Variants in RNF111 observed in about 807,000 individuals in gnomAD.
RNF111 encodes the protein E3 ubiquitin-protein ligase Arkadia.
Under a neutral mutation model 95.1 loss-of-function variants are expected in RNF111, and 17 were observed. The ratio of observed to expected loss-of-function variants is 0.18; its 90% CI spans 0.12 to 0.27. RNF111 has a LOEUF of 0.27. RNF111 is among the 10% of genes least tolerant of loss of function. The pLI, the probability that RNF111 is intolerant of heterozygous loss-of-function variation, is 1.00. For missense variants in RNF111, 1,189 were observed against 1,210.4 expected, an observed-to-expected ratio of 0.98 and a Z score of 0.26; for synonymous variants, 440 against 414.8, an observed-to-expected ratio of 1.06 and a Z score of -0.74.
intron 6 of RNF111, among the ~76,000 whole-genome samples, chr15:59,072,476 G>C (rs1483524185): frequency 1.1e-5 from 1 of 92,896 alleles, no homozygotes; most frequent in African/African-American, 5.0e-5. Context: ...TTTTTTTTGA[G>C]ACAGCCTCGC....
intron 5 of RNF111, among the ~76,000 whole-genome samples, chr15:59,059,900 CT>C (rs2042361965): frequency 6.6e-6 from 1 of 152,144 alleles, no homozygotes; most frequent in African/African-American, 2.4e-5. Context: ...TTTTCTATCC[CT>C]TTTTGCTTTT....
intron 5 of RNF111, among the ~76,000 whole-genome samples, chr15:59,063,081 T>C (rs2042509867): frequency 6.6e-6 from 1 of 152,192 alleles, no homozygotes; most frequent in African/African-American, 2.4e-5. Flanking sequence ...GTCTCCATGC[T>C]TGATGATGAG....
At chr15:59,092,113 T>C (rs1427033646) in intron 12 of RNF111, among the ~76,000 whole-genome samples, 1 of 152,208 alleles carries the variant, frequency 6.6e-6, no homozygotes, top group African/African-American at 2.4e-5. Context: ...AGTATTGAGG[T>C]ATTACCAGTA....
At chr15:59,025,441 CAA>C (rs1378205985) in intron 1 of RNF111, among the ~76,000 whole-genome samples, 1 of 152,026 alleles carries the variant, frequency 6.6e-6, no homozygotes, top group Non-Finnish European at 1.5e-5. Context: ...GAATATGTAA[CAA>C]AGCATATTGT....
chr15:59,029,934 G>T (rs1396294229), intron 1 of RNF111, among the ~76,000 whole-genome samples: 1 of 152,044 alleles, frequency 6.6e-6, no homozygotes, highest in Non-Finnish European at 1.5e-5. Context: ...CACTAGTAAA[G>T]CTCTTCATTT....
chr15:59,047,604 C>G (rs2041774111), intron 2 of RNF111, among the ~76,000 whole-genome samples: 1 of 152,070 alleles, frequency 6.6e-6, no homozygotes, highest in African/African-American at 2.4e-5. Context: ...GAGACAAGGT[C>G]TGGCTCTGTT....
intron 6 of RNF111, among the ~76,000 whole-genome samples, chr15:59,073,349 C>T (rs187121542): frequency 1.1e-4 from 17 of 152,094 alleles, no homozygotes; most frequent in Middle Eastern, 3.4e-3. Flanking sequence ...TGCGTGGTGG[C>T]ATGCACCTGT....
chr15:59,063,477 C>T (rs765307963), intron 5 of RNF111, among the ~76,000 whole-genome samples: 13 of 152,122 alleles, frequency 8.5e-5, no homozygotes, highest in Non-Finnish European at 1.5e-4. Context: ...GAGTTAATTT[C>T]CCTAATGCAG....
intron 4 of RNF111, among the ~76,000 whole-genome samples, chr15:59,058,017 G>A (rs1046655224): frequency 3.3e-5 from 5 of 152,180 alleles, no homozygotes; most frequent in Non-Finnish European, 5.9e-5. Context: ...CCATGTGTAC[G>A]TGCATAGTAA....
rs201040277 is a variant in RNF111, at chr15:59,060,804, A to AT, written c.1366+2256dup. 3.2e-4 allele frequency among the ~76,000 whole-genome samples: 47 copies of AT among 147,240 alleles called. 1 individual carries two copies. The South Asian group carries it at 8.2e-3, about 26-fold the overall frequency. ...ATGTAGCATTATTATTATTATTATT[A>AT]TTATTTTTTTTTTTGTGAGACAGGT... On this transcript the variant is annotated intron_variant, in intron 5 of 13. Transcript: ENST00000348370.
intron 12 of RNF111, among the ~76,000 whole-genome samples, chr15:59,092,053 C>G (rs968672196): frequency 6.6e-6 from 1 of 152,184 alleles, no homozygotes; most frequent in African/African-American, 2.4e-5. Flanking sequence ...AAAGAATAAT[C>G]ATAAAGTGTG....
chr15:59,089,619 C>T, intron 10 of RNF111, 48 bp from the exon 11 acceptor site: 1 of 1,364,606 alleles, frequency 7.3e-7, no homozygotes, highest in Non-Finnish European at 1.0e-6. Flanking sequence ...CAGTAAATCA[C>T]AAGTCTATTC....
intron 6 of RNF111, 116 bp from the exon 7 acceptor site, chr15:59,075,838 T>G: frequency 8.7e-7 from 1 of 1,146,628 alleles, no homozygotes; most frequent in Non-Finnish European, 1.2e-6. Context: ...ATCTTCCTGG[T>G]TTCAAACTAA....
Position 59,030,999 on chromosome 15 carries a change from A to G in RNF111, c.177A>G (p.Lys59=). The part of the protein sequence containing the change: ...FPAGVEMINS[K]VGNEFSHLCD... Reference sequence around the variant, plus strand: ...CAGGAGTTGAGATGATTAATAGTAAAGTGGGGAATGAATTCTCTCACCTGT... The same window carrying G: ...CAGGAGTTGAGATGATTAATAGTAAGGTGGGGAATGAATTCTCTCACCTGT... The change falls in exon 2 of 14, where the codon AAA becomes AAG. Residue 59 remains lysine, a synonymous_variant. Transcript: ENST00000348370. The G allele has an allele frequency of 1.2e-6, 2 of 1,614,246 alleles. No homozygotes were observed. The highest frequency in any genetic ancestry group is 1.7e-6 in the Non-Finnish European group (2 of 1,180,038).
intron 1 of RNF111, among the ~76,000 whole-genome samples, chr15:59,015,234 G>A (rs1007549801): frequency 5.9e-5 from 9 of 152,130 alleles, no homozygotes; most frequent in Non-Finnish European, 1.3e-4. Flanking sequence ...TAAGATAGAA[G>A]TCACTTATGT....
chr15:59,076,098 C>A lies in RNF111; in HGVS notation c.1831C>A (p.Pro611Thr). 2 of 1,614,218 alleles carry A rather than the reference C, an allele frequency of 1.2e-6. No homozygotes were observed. The highest frequency in any genetic ancestry group is 4.5e-5 in the East Asian group (2 of 44,878). Residue 611 changes from proline (P) to threonine (T), a missense_variant, in exon 7 of 14, where the codon CCA (proline) becomes ACA (threonine). By Grantham distance (38) the Pro-to-Thr change is conservative (BLOSUM62 -1). Transcript: ENST00000348370. ...IFGHQAAAAA[P>T]SQPLSSIDGY... The stretch of plus-strand genomic sequence containing the variant: ...TGGCCATCAGGCCGCTGCTGCTGCC[C>A]CAAGTCAACCTTTATCATCAATAGA...
chr15:59,049,745 CTT>C (rs368049097), intron 2 of RNF111: 8 of 104,626 alleles, frequency 7.6e-5, no homozygotes, highest in South Asian at 6.0e-4. Flanking sequence ...TTCTTTCTTT[CTT>C]TTTTTTTTTT....
At chr15:59,085,526 C>A in intron 9 of RNF111, 133 bp from the exon 10 acceptor site, 1 of 732,430 alleles carries the variant, frequency 1.4e-6, no homozygotes. Flanking sequence ...ATATTTTGGG[C>A]TAAATTATCT....
intron 7 of RNF111, among the ~76,000 whole-genome samples, chr15:59,078,552 T>TAAAA (rs56959347): frequency 1.4e-4 from 13 of 94,464 alleles, no homozygotes; most frequent in Non-Finnish European, 1.9e-4. Context: ...AACCTGTCTC[T>TAAAA]AAAAAAAAAA....
Sources: allele counts gnomAD v4.1 joint callset (sites outside exome capture counted in the v4.1 genomes callset), GRCh38; gene constraint gnomAD v4.1.1; transcripts MANE v1.5; gene names NCBI Gene and HGNC (gene_info 2026-07-23, HGNC 2026-07-21).